The following NPAS3 variants were observed in gnomAD, a reference collection of about 807,000 sequenced individuals.
NPAS3 encodes neuronal PAS domain protein 3.
NPAS3 carries 14 observed loss-of-function variants against 73.1 expected under a neutral mutation model. That is an observed-to-expected ratio of 0.19 (90% CI 0.13 to 0.30). The LOEUF is 0.30. Among genes scored for constraint, NPAS3 ranks in the 10% least tolerant of loss-of-function variants. The pLI, the probability that NPAS3 is intolerant of heterozygous loss-of-function variation, is 1.00. For missense variants in NPAS3, 1,096 were observed against 1,250.0 expected (o/e 0.88, Z 1.86); for synonymous variants, 620 against 541.5 (o/e 1.14, Z -2.01).
At chr14:32,986,536 C>T (rs1566434405) in intron 1 of NPAS3, among the ~76,000 whole-genome samples, 1 of 152,078 alleles carries the variant, frequency 6.6e-6, no homozygotes, top group Non-Finnish European at 1.5e-5. Context: ...GGTTTTGATT[C>T]CATTACTATA....
At chr14:33,779,689 C>T (rs1027671010) in intron 9 of NPAS3, among the ~76,000 whole-genome samples, 6 of 152,188 alleles carry the variant, frequency 3.9e-5, no homozygotes, top group African/African-American at 1.4e-4. Context: ...GGTCTAGGAG[C>T]ATTAGCCTAT....
At chr14:33,488,077 C>T (rs1345276114) in intron 4 of NPAS3, among the ~76,000 whole-genome samples, 1 of 151,740 alleles carries the variant, frequency 6.6e-6, no homozygotes, top group Non-Finnish European at 1.5e-5. Context: ...GGGATAGGCT[C>T]AAAAGGGAAA....
At chr14:32,987,655 T>C (rs1277778697) in intron 1 of NPAS3, among the ~76,000 whole-genome samples, 1 of 152,184 alleles carries the variant, frequency 6.6e-6, no homozygotes, top group Non-Finnish European at 1.5e-5. Context: ...TAACAACAAT[T>C]GGACAGCATA....
chr14:33,119,193 G>A (rs902068983), intron 2 of NPAS3, among the ~76,000 whole-genome samples: 9 of 152,076 alleles, frequency 5.9e-5, no homozygotes, highest in African/African-American at 2.2e-4. Flanking sequence ...ACATGAAAAT[G>A]TAGCAAATTT....
At chr14:33,136,280 C>T (rs1044124048) in intron 2 of NPAS3, among the ~76,000 whole-genome samples, 7 of 151,902 alleles carry the variant, frequency 4.6e-5, no homozygotes, top group Admixed American at 2.0e-4. Flanking sequence ...AGGCTGGTCT[C>T]AATCTCCTGA....
intron 9 of NPAS3, among the ~76,000 whole-genome samples, chr14:33,781,348 G>A (rs1298849303): frequency 6.6e-6 from 1 of 152,178 alleles, no homozygotes; most frequent in Non-Finnish European, 1.5e-5. Context: ...AAGTAAGATT[G>A]AGTCTAAAAT....
At chr14:33,547,258 C>A (rs12590660) in intron 4 of NPAS3, among the ~76,000 whole-genome samples, 1 of 151,888 alleles carries the variant, frequency 6.6e-6, no homozygotes, top group African/African-American at 2.4e-5. Flanking sequence ...GGTCATCCTG[C>A]TACTAAAGCA....
intron 4 of NPAS3, among the ~76,000 whole-genome samples, chr14:33,467,153 T>G (rs889274314): frequency 1.3e-5 from 2 of 152,196 alleles, no homozygotes; most frequent in African/African-American, 4.8e-5. Flanking sequence ...ACTGGGGATG[T>G]GCTCAAGCCC....
At chr14:33,035,831 G>A (rs1199426642) in intron 1 of NPAS3, among the ~76,000 whole-genome samples, 2 of 152,096 alleles carry the variant, frequency 1.3e-5, no homozygotes, top group Admixed American at 6.6e-5. Context: ...TACGGGGGAC[G>A]CCTTTACAAT....
At chr14:33,420,887 T>C (rs1368163458) in intron 4 of NPAS3, among the ~76,000 whole-genome samples, 1 of 151,926 alleles carries the variant, frequency 6.6e-6, no homozygotes, top group Non-Finnish European at 1.5e-5. Context: ...TTCTATTTGA[T>C]GTAAATGCTG....
intron 2 of NPAS3, among the ~76,000 whole-genome samples, chr14:33,131,436 G>GGTCTAGCTATTATCTCCTAAGA (rs71118529): frequency 0.96 from 146,774 of 152,126 alleles, 70,854 homozygotes; most frequent in Non-Finnish European, 0.98. Context: ...ACTTCCACGT[G>GGTCTAGCTATTATCTCCTAAGA]GTTAAGCAGA....
chr14:32,986,230 A>T (rs2038092314), intron 1 of NPAS3, among the ~76,000 whole-genome samples: 1 of 152,148 alleles, frequency 6.6e-6, no homozygotes, highest in South Asian at 2.1e-4. Flanking sequence ...TCCAAGTGTG[A>T]CCTGTGTTCA....
chr14:33,293,830 G>T (rs946255925), intron 3 of NPAS3, among the ~76,000 whole-genome samples: 8 of 152,178 alleles, frequency 5.3e-5, no homozygotes, highest in African/African-American at 1.9e-4. Context: ...GAATTAATTA[G>T]CCAGAGTATT....
At chr14:33,168,756 T>C (rs1453161403) in intron 2 of NPAS3, among the ~76,000 whole-genome samples, 1 of 152,096 alleles carries the variant, frequency 6.6e-6, no homozygotes, top group South Asian at 2.1e-4. Flanking sequence ...CCTCTTCCCC[T>C]CTTCCTTCTG....
At chr14:33,784,972 G>T (rs1444067091) in intron 9 of NPAS3, among the ~76,000 whole-genome samples, 3 of 150,680 alleles carry the variant, frequency 2.0e-5, no homozygotes, top group Non-Finnish European at 4.4e-5. Context: ...CTGGTCTCGA[G>T]CTCCCAACCT....
chr14:33,096,167 T>A (rs1269168520), intron 2 of NPAS3, among the ~76,000 whole-genome samples: 1 of 151,964 alleles, frequency 6.6e-6, no homozygotes, highest in Non-Finnish European at 1.5e-5. Context: ...TATGTTTTAT[T>A]TGTAGGGAAA....
At chr14:33,550,485 T>C (rs1234096414) in intron 4 of NPAS3, among the ~76,000 whole-genome samples, 1 of 152,246 alleles carries the variant, frequency 6.6e-6, no homozygotes, top group Non-Finnish European at 1.5e-5. Flanking sequence ...AAATCTATAA[T>C]CTTTTTTACT....
intron 4 of NPAS3, among the ~76,000 whole-genome samples, chr14:33,386,155 A>G (rs112053056): frequency 6.6e-6 from 1 of 152,176 alleles, no homozygotes; most frequent in African/African-American, 2.4e-5. Flanking sequence ...TCAGTGCAGT[A>G]TACTCTTGAT....
chr14:33,537,732 G>C (rs567243999), intron 4 of NPAS3, among the ~76,000 whole-genome samples: 1 of 152,306 alleles, frequency 6.6e-6, no homozygotes, highest in African/African-American at 2.4e-5. Context: ...CTGGTGCTGG[G>C]AGAGTAGGGA....
Sources: allele counts gnomAD v4.1 joint callset (sites outside exome capture counted in the v4.1 genomes callset), GRCh38; gene constraint gnomAD v4.1.1; transcripts MANE v1.5; gene names NCBI Gene and HGNC (gene_info 2026-07-23, HGNC 2026-07-21).